NEB: variants seen among roughly 807,000 people sequenced by gnomAD.
NEB encodes nemaline myopathy type 2.
In NEB, 512 loss-of-function variants were observed where a neutral mutation model predicts 952.2. The ratio of observed to expected loss-of-function variants is 0.54; its 90% confidence interval spans 0.50 to 0.58. The LOEUF (loss-of-function observed/expected upper bound fraction) is 0.58. Ranked by LOEUF, NEB falls within the 20% of genes least tolerant of loss-of-function variation. The pLI, the probability that NEB is intolerant of heterozygous loss-of-function variation, is 0.00. For missense variants in NEB, 8,428 were observed against 9,231.1 expected, an observed-to-expected ratio of 0.91 and a Z score of 3.56; for synonymous variants, 2,900 against 3,149.8, an observed-to-expected ratio of 0.92 and a Z score of 2.66.
At chr2:151,687,798 A>C in intron 25 of NEB, 65 bp from the exon 26 acceptor site, 1 of 1,432,140 alleles carries the variant, frequency 7.0e-7, no homozygotes, top group Non-Finnish European at 9.6e-7. Flanking sequence ...AAAAAATAAA[A>C]ACATATTGAA....
At chr2:151,695,521 A>G in intron 18 of NEB, 57 bp downstream of exon 18, 1 of 1,270,260 alleles carries the variant, frequency 7.9e-7, no homozygotes, top group South Asian at 1.3e-5. Flanking sequence ...AAAGCAGTTC[A>G]AACATAAAAG....
In NEB at chr2:151,672,323, T is replaced by C. The variant is rs565292161; in HGVS notation, c.4299+46A>G. On this transcript the variant is annotated intron_variant, in intron 37 of 181. Transcript: ENST00000397345. ...GTCTAATAAAAGCGAGAAGTGATCA[T>C]CCTTTAAGTGCAAACATCTCTGGGT... The C allele has an allele frequency of 4.0e-6, 6 of 1,494,952 alleles. No individual in the cohort carries two copies. The Admixed American group carries it at 1.2e-4, about 29-fold the overall frequency. 92.6% of individuals were successfully genotyped at this position (1,494,952 alleles called of 1,614,324 possible).
intron 30 of NEB, 64 bp downstream of exon 30, chr2:151,680,666 T>G: frequency 8.2e-7 from 1 of 1,223,240 alleles, no homozygotes; most frequent in South Asian, 1.3e-5. Context: ...ATCAGTACAT[T>G]TGAAATACAA....
intron 13 of NEB, among the ~76,000 whole-genome samples, chr2:151,702,544 G>A (rs1399420486): frequency 2.0e-5 from 3 of 151,842 alleles, no homozygotes; most frequent in African/African-American, 7.3e-5. Flanking sequence ...ATGAATCTGG[G>A]TGTTCCTGTA....
intron 161 of NEB, among the ~76,000 whole-genome samples, chr2:151,509,889 C>T (rs942552212): frequency 2.0e-5 from 3 of 152,128 alleles, no homozygotes; most frequent in Non-Finnish European, 2.9e-5. Flanking sequence ...ATTACAGGCG[C>T]GAGCCACTGC....
chr2:151,660,608 A>G (rs1055781124), intron 46 of NEB, among the ~76,000 whole-genome samples: 5 of 152,172 alleles, frequency 3.3e-5, no homozygotes, highest in Non-Finnish European at 7.4e-5. Flanking sequence ...TCTGGACTAG[A>G]GATTGGCAAA....
Position 151,644,096 on chromosome 2 carries a change from C to T in NEB, c.7678G>A (p.Gly2560Ser), listed in dbSNP as rs775186355. 10 of 1,613,748 alleles carry T rather than the reference C, an allele frequency of 6.2e-6. No homozygotes were observed. Among genetic ancestry groups the T allele is most frequent in the African/African-American group, 4.0e-5 (3 of 74,890 alleles). ...ATGTTCCGGGCACCAATGTGGTGGC[C>T]GAGCTGCTTGCGAAAGCCTTCCTTG... is the stretch of plus-strand genomic sequence containing the variant. Reference protein sequence around the residue: ...KYKEGFRKQLGHHIGARNIED... With the variant: ...KYKEGFRKQLSHHIGARNIED... The change falls in exon 57 of 182, where the codon GGC becomes AGC. Residue 2560 changes from glycine (G) to serine (S), a missense_variant. Coordinates refer to ENST00000397345, the MANE Select transcript of NEB (RefSeq NM_001164508.2).
At position 151,491,731 on chromosome 2, in the gene NEB, C is replaced by A; in HGVS notation, c.25102G>T (p.Asp8368Tyr). ...RTNPGSVFDY[D>Y]PAEDNIQSRS... ...GACTGGATGTTGTCTTCTGCTGGAT[C>A]ATAGTCAAAAACCGAACCAGGATTA... The change falls in exon 179 of 182, where the codon GAT becomes TAT. Residue 8368 changes from aspartate to tyrosine, a missense_variant. By Grantham distance (160) the Asp-to-Tyr change is radical. Around this residue, in one of 11 missense-constraint regions of NEB, gnomAD observed 3,374 missense variants for 3,651.5 expected, o/e 0.92. Transcript: ENST00000397345. 2 of 1,598,502 alleles carry A rather than the reference C, an allele frequency of 1.3e-6. No individual in the cohort carries two copies. Among genetic ancestry groups the A allele is most frequent in the Non-Finnish European group, 1.7e-6 (2 of 1,172,080 alleles).
intron 52 of NEB, 56 bp from the exon 53 acceptor site, chr2:151,650,941 C>T: frequency 1.4e-6 from 2 of 1,467,144 alleles, no homozygotes; most frequent in East Asian, 2.3e-5. Context: ...TTAAGCTCAA[C>T]TTGCTTTTTT....
chr2:151,501,704 G>GCTGC (rs1180693663), intron 167 of NEB, among the ~76,000 whole-genome samples: 1 of 152,102 alleles, frequency 6.6e-6, no homozygotes, highest in Non-Finnish European at 1.5e-5. Context: ...CAGCTGCCAG[G>GCTGC]CTGCCGGCAG....
intron 180 of NEB, 22 bp from the exon 181 acceptor site, chr2:151,490,099 C>A (rs569107587): frequency 1.3e-6 from 2 of 1,555,102 alleles, no homozygotes; most frequent in Admixed American, 3.6e-5. Flanking sequence ...GGGGCAAATT[C>A]TTTATAAGAA....
chr2:151,547,972 T>C (rs1422256358), intron 131 of NEB, among the ~76,000 whole-genome samples: 1 of 152,318 alleles, frequency 6.6e-6, no homozygotes, highest in East Asian at 1.9e-4. Flanking sequence ...GGATCAGATA[T>C]GCAAACCAAT....
chr2:151,601,295 G>A (rs1291229232), intron 88 of NEB, among the ~76,000 whole-genome samples: 1 of 136,716 alleles, frequency 7.3e-6, no homozygotes, highest in Non-Finnish European at 1.6e-5. Flanking sequence ...TTTTAGTAGA[G>A]ACAGGGTTTC....
At chr2:151,568,468 C>T (rs2096509488) in intron 111 of NEB, 51 bp from the exon 112 acceptor site, 1 of 1,539,110 alleles carries the variant, frequency 6.5e-7, no homozygotes. Flanking sequence ...GTTAAGAAAG[C>T]ATCATGTTGT....
chr2:151,524,762 A>G, intron 151 of NEB, 146 bp from the exon 152 acceptor site: 1 of 666,770 alleles, frequency 1.5e-6, no homozygotes, highest in Admixed American at 3.4e-5. Flanking sequence ...TGTCTCCCGG[A>G]TTCAAGTGAT....
At position 151,659,085 on chromosome 2, in the gene NEB, T is replaced by C; in HGVS notation, c.6055A>G (p.Asn2019Asp). ...DIPQIILAKA[N>D]AINMSDKLYK... is the part of the protein sequence containing the mutation. Reference sequence around the variant, plus strand: ...CTTACATCACTCATATTAATTGCATTTGCCTTTGCCAAAATAATCTGGGGG... The same window carrying C: ...CTTACATCACTCATATTAATTGCATCTGCCTTTGCCAAAATAATCTGGGGG... The change falls in exon 47 of 182, where the codon AAT (asparagine) becomes GAT (aspartate). Residue 2019 changes from asparagine (N) to aspartate (D), a missense_variant. Physicochemically the swap from Asn to Asp is conservative, Grantham distance 23 (BLOSUM62 1). Coordinates refer to ENST00000397345, the MANE Select transcript of NEB (RefSeq NM_001164508.2). The C allele has an allele frequency of 6.2e-7, 1 of 1,609,246 alleles. No homozygotes were observed.
intron 148 of NEB, 33 bp downstream of exon 148, chr2:151,526,885 G>A: frequency 7.0e-7 from 1 of 1,419,164 alleles, no homozygotes; most frequent in Admixed American, 1.9e-5. Context: ...CCCTGAGTGA[G>A]GTTAGGCATC....
At chr2:151,486,003 T>G in intron 181 of NEB, 70 bp from the exon 182 acceptor site, 4 of 1,488,544 alleles carry the variant, frequency 2.7e-6, no homozygotes, top group Non-Finnish European at 9.3e-7. Flanking sequence ...CATCTATTTG[T>G]AAGATCTCTC....
At chr2:151,683,269 G>A (rs1352875034) in intron 28 of NEB, among the ~76,000 whole-genome samples, 2 of 152,192 alleles carry the variant, frequency 1.3e-5, no homozygotes, top group East Asian at 3.9e-4. Flanking sequence ...CAACTTTGGA[G>A]TGTTTCTACA....
Sources: allele counts gnomAD v4.1 joint callset (sites outside exome capture counted in the v4.1 genomes callset), GRCh38; gene constraint gnomAD v4.1.1; regional missense constraint gnomAD v4.1.1; transcripts MANE v1.5; gene names NCBI Gene and HGNC (gene_info 2026-07-23, HGNC 2026-07-21).